SLCO3A1: variants seen among roughly 807,000 people sequenced by gnomAD.
SLCO3A1 encodes the protein PGE1 transporter.
SLCO3A1 carries 27 observed loss-of-function variants against 63.1 expected under a neutral mutation model. That is an observed-to-expected ratio of 0.43 (90% CI 0.32 to 0.59). The LOEUF (loss-of-function observed/expected upper bound fraction) is 0.59. SLCO3A1 is among the 20% of genes least tolerant of loss of function. The pLI is 0.09. For missense variants in SLCO3A1, 773 were observed against 945.8 expected, an observed-to-expected ratio of 0.82 and a Z score of 2.40; for synonymous variants, 473 against 409.9, an observed-to-expected ratio of 1.15 and a Z score of -1.86.
intron 2 of SLCO3A1, among the ~76,000 whole-genome samples, chr15:92,092,959 C>T (rs1396630447): frequency 6.6e-6 from 1 of 152,188 alleles, no homozygotes; most frequent in Non-Finnish European, 1.5e-5. Flanking sequence ...AACAGTGGAA[C>T]TTCCAGATTT....
chr15:92,055,952 G>A (rs992836), intron 2 of SLCO3A1, among the ~76,000 whole-genome samples: 66,393 of 151,908 alleles, frequency 0.44, 16,044 homozygotes, highest in Admixed American at 0.61. Context: ...TCCACAAACC[G>A]TGGTTAACTT....
intron 2 of SLCO3A1, among the ~76,000 whole-genome samples, chr15:91,981,343 G>C (rs764572997): frequency 6.6e-6 from 1 of 152,178 alleles, no homozygotes; most frequent in Non-Finnish European, 1.5e-5. Flanking sequence ...GGCAAAGAAA[G>C]TGTAAACTCG....
chr15:91,989,506 A>C (rs1343815358), intron 2 of SLCO3A1, among the ~76,000 whole-genome samples: 1 of 152,230 alleles, frequency 6.6e-6, no homozygotes, highest in Non-Finnish European at 1.5e-5. Flanking sequence ...TCAGTCTATA[A>C]AAATGAATAG....
At chr15:92,126,424 T>C (rs1567133534) in intron 6 of SLCO3A1, among the ~76,000 whole-genome samples, 165 bp downstream of exon 6, 1 of 152,130 alleles carries the variant, frequency 6.6e-6, no homozygotes, top group Non-Finnish European at 1.5e-5. Flanking sequence ...TAGAACCCTC[T>C]GGGCTGAGAA....
At chr15:91,888,558 A>AT (rs141079219) in intron 1 of SLCO3A1, among the ~76,000 whole-genome samples, 4,834 of 151,956 alleles carry the variant, frequency 0.032, 265 homozygotes, top group African/African-American at 0.11. Context: ...TGAAATCTCA[A>AT]TTTTTTTTCC....
chr15:91,875,595 C>G lies in SLCO3A1; in HGVS notation c.180+21507C>G, dbSNP rs757193741. 2.0e-5 allele frequency among the ~76,000 whole-genome samples: 3 copies of G among 152,234 alleles called. No homozygotes were observed. The highest frequency in any genetic ancestry group is 2.9e-5 in the Non-Finnish European group (2 of 68,032). Reference sequence around the variant, plus strand: ...TGGGAAGCACTTGTGTGTGATAAGTCTTAGCCTCATTCTCTGTCATTCCTT... The same window carrying G: ...TGGGAAGCACTTGTGTGTGATAAGTGTTAGCCTCATTCTCTGTCATTCCTT... On this transcript the variant is annotated intron_variant, in intron 1 of 9. Coordinates refer to ENST00000318445, the MANE Select transcript of SLCO3A1 (RefSeq NM_013272.4). The surrounding 1 kb of genome is among the most constrained non-coding windows in gnomAD (Gnocchi z 4.5).
chr15:92,132,172 T>C (rs2048004361), intron 7 of SLCO3A1, among the ~76,000 whole-genome samples: 1 of 145,476 alleles, frequency 6.9e-6, no homozygotes, highest in Non-Finnish European at 1.5e-5. Flanking sequence ...GACCTGATCC[T>C]TGCTCGCCAC....
chr15:91,947,983 A>G (rs939582842), intron 2 of SLCO3A1, among the ~76,000 whole-genome samples: 4 of 152,158 alleles, frequency 2.6e-5, no homozygotes, highest in Non-Finnish European at 5.9e-5. Flanking sequence ...TTCCAGTTCC[A>G]TGTGAGAATT....
At chr15:91,989,618 C>T (rs1184382632) in intron 2 of SLCO3A1, among the ~76,000 whole-genome samples, 1 of 152,170 alleles carries the variant, frequency 6.6e-6, no homozygotes, top group Non-Finnish European at 1.5e-5. Flanking sequence ...AATGAGAAGT[C>T]CTGAGCTTTC....
chr15:91,975,093 C>T (rs1901047373), intron 2 of SLCO3A1, among the ~76,000 whole-genome samples: 1 of 152,070 alleles, frequency 6.6e-6, no homozygotes, highest in Non-Finnish European at 1.5e-5. Context: ...AAATAAAGTG[C>T]CTGGAATGGT....
intron 2 of SLCO3A1, among the ~76,000 whole-genome samples, chr15:92,068,922 A>T (rs1272485368): frequency 1.3e-5 from 2 of 152,194 alleles, no homozygotes; most frequent in East Asian, 3.9e-4. Context: ...ACGCTGGGTC[A>T]CACAACTCCT....
intron 2 of SLCO3A1, among the ~76,000 whole-genome samples, chr15:92,039,883 C>A (rs1002626952): frequency 6.6e-6 from 1 of 152,018 alleles, no homozygotes; most frequent in African/African-American, 2.4e-5. Context: ...ACCATACAGC[C>A]ATAAAAAGGA....
chr15:92,168,675 C>A (rs1052009655), downstream of SLCO3A1, among the ~76,000 whole-genome samples: 7 of 152,178 alleles, frequency 4.6e-5, no homozygotes, highest in Admixed American at 6.5e-5. Flanking sequence ...TAGGAAGGGA[C>A]CCTGAGCTAG....
intron 2 of SLCO3A1, among the ~76,000 whole-genome samples, chr15:91,958,043 T>C (rs763927231): frequency 2.4e-4 from 37 of 152,130 alleles, no homozygotes; most frequent in Admixed American, 2.6e-4. Flanking sequence ...AATAAATATA[T>C]TGGAAAAATT....
chr15:91,938,486 T>G (rs1052482327), intron 2 of SLCO3A1, among the ~76,000 whole-genome samples: 61 of 151,816 alleles, frequency 4.0e-4, no homozygotes, highest in African/African-American at 1.4e-3. Flanking sequence ...TTTTTTGTTT[T>G]TTTTTTTTTT....
At position 91,859,286 on chromosome 15, in the gene SLCO3A1, G is replaced by A. The variant is rs1896996099; in HGVS notation, c.180+5198G>A. Among the ~76,000 whole-genome samples the A allele has an allele frequency of 6.6e-6, 1 of 152,162 alleles. No homozygotes were observed. Among genetic ancestry groups the A allele is most frequent in the Admixed American group, 6.5e-5 (1 of 15,282 alleles). On this transcript the variant is annotated intron_variant, in intron 1 of 9. Transcript: ENST00000318445. This position sits in a 1 kb window ranked among gnomAD's most constrained non-coding sequence, Gnocchi z 5.1. ...AATGCCTTTGGTAATCTGTAGGCCA[G>A]AAAGATAGCATCCTTACTCTTTCAA...
At chr15:92,016,935 T>A (rs1257725456) in intron 2 of SLCO3A1, among the ~76,000 whole-genome samples, 1 of 152,188 alleles carries the variant, frequency 6.6e-6, no homozygotes, top group Admixed American at 6.5e-5. Context: ...GAAAATTTTC[T>A]CTGTAGTGTG....
At chr15:91,861,820 G>T (rs1003518229) in intron 1 of SLCO3A1, among the ~76,000 whole-genome samples, 2 of 151,762 alleles carry the variant, frequency 1.3e-5, no homozygotes, top group Non-Finnish European at 2.9e-5. Flanking sequence ...GGTAGAGATG[G>T]GGTGTGGGGT....
intron 2 of SLCO3A1, among the ~76,000 whole-genome samples, chr15:92,094,264 A>G (rs2047511849): frequency 6.6e-6 from 1 of 152,246 alleles, no homozygotes; most frequent in Non-Finnish European, 1.5e-5. Context: ...AGCCACAACA[A>G]CAGTGGAAAC....
Sources: allele counts gnomAD v4.1 joint callset (sites outside exome capture counted in the v4.1 genomes callset), GRCh38; gene constraint gnomAD v4.1.1; non-coding constraint Gnocchi (gnomAD v3.1); transcripts MANE v1.5; gene names NCBI Gene and HGNC (gene_info 2026-07-23, HGNC 2026-07-21).